LIPA: variants seen among roughly 807,000 people sequenced by gnomAD.
The protein encoded by LIPA is lipase A, lysosomal acid type.
A neutral mutation model predicts 40.6 loss-of-function variants in LIPA; 26 were observed. The ratio of observed to expected loss-of-function variants is 0.64; its 90% CI spans 0.47 to 0.89. The LOEUF (loss-of-function observed/expected upper bound fraction) is 0.89, where lower values mean the gene tolerates loss of function less well. Ranked by LOEUF, LIPA falls within the 40% of genes least tolerant of loss-of-function variation. LIPA has a pLI of 0.00. For missense variants in LIPA, 455 were observed against 479.6 expected, an observed-to-expected ratio of 0.95 and a Z score of 0.48; for synonymous variants, 188 against 168.4, an observed-to-expected ratio of 1.12 and a Z score of -0.90.
chr10:89,286,428 C>G (rs1564776021), intron 1 of LIPA, among the ~76,000 whole-genome samples: 1 of 152,184 alleles, frequency 6.6e-6, no homozygotes, highest in African/African-American at 2.4e-5. Flanking sequence ...CTCCTCACAC[C>G]CAGTCCAGCT....
upstream of LIPA, among the ~76,000 whole-genome samples, chr10:89,256,325 AATCAG>A (rs1425585672): frequency 6.6e-6 from 1 of 152,232 alleles, no homozygotes; most frequent in African/African-American, 2.4e-5. Context: ...ATTTGTGACT[AATCAG>A]ATTAGAAACA....
In LIPA at chr10:89,402,403, T is replaced by C. The variant is rs760111410; in HGVS notation, c.61+10388A>G. The C allele has an allele frequency of 6.8e-6, 11 of 1,614,032 alleles. No homozygotes were observed. In the Admixed American group the frequency reaches 1.8e-4, roughly 27 times the overall value. On this transcript the variant is annotated intron_variant, in intron 2 of 8. Coordinates refer to the LIPA transcript ENST00000371837. ...TTAGAAAACAGAGTCTTGGATCAGA[T>C]TGAATTCCTAGACACCAAATACAGT...
At chr10:89,227,967 G>A (rs183749618) in intron 4 of LIPA, among the ~76,000 whole-genome samples, 3 of 152,294 alleles carry the variant, frequency 2.0e-5, no homozygotes, top group African/African-American at 7.2e-5. Context: ...AAATGCCGAA[G>A]TAACTTAAGA....
chr10:89,217,931 ACAAGGGGTATGC>A (rs1842648376), intron 8 of LIPA, among the ~76,000 whole-genome samples: 1 of 152,226 alleles, frequency 6.6e-6, no homozygotes, highest in Non-Finnish European at 1.5e-5. Flanking sequence ...ATAAATATAC[ACAAGGGGTATGC>A]CACTGTCATA....
chr10:89,306,430 G>A lies in LIPA; in HGVS notation c.-2+36181C>T, dbSNP rs574397360. The A allele has an allele frequency of 2.2e-5, 35 of 1,614,118 alleles. 1 individual carries two copies. The African/African-American group carries it at 4.4e-4, about 20-fold the overall frequency. On this transcript the variant is annotated intron_variant, in intron 1 of 5. Transcript: ENST00000282673. Reference sequence around the variant, plus strand: ...GAGGAAACCAAAATGAAAGAGCGAAGGTGTGCTTTGAGAAGGCTCTGGAAA... The same window carrying A: ...GAGGAAACCAAAATGAAAGAGCGAAAGTGTGCTTTGAGAAGGCTCTGGAAA...
At chr10:89,289,394 T>C (rs1843359223) in intron 1 of LIPA, among the ~76,000 whole-genome samples, 2 of 152,120 alleles carry the variant, frequency 1.3e-5, no homozygotes, top group Admixed American at 1.3e-4. Context: ...TCAGGCCCCC[T>C]CCCTTCCTTA....
At chr10:89,251,198 C>T (rs1157951827) in intron 1 of LIPA, among the ~76,000 whole-genome samples, 4 of 152,226 alleles carry the variant, frequency 2.6e-5, no homozygotes, top group Admixed American at 2.6e-4. Flanking sequence ...ATGGCAGTAC[C>T]ATTAATTCCA....
At chr10:89,378,094 T>C in intron 2 of LIPA, 3 of 1,612,852 alleles carry the variant, frequency 1.9e-6, no homozygotes, top group East Asian at 2.2e-5. Context: ...CCTCCAAGCC[T>C]GAACCAAAGC....
intron 1 of LIPA, among the ~76,000 whole-genome samples, chr10:89,295,919 G>A (rs1843410917): frequency 6.6e-6 from 1 of 152,168 alleles, no homozygotes. Flanking sequence ...ATGCATACCT[G>A]CTGTGGTAAC....
chr10:89,346,651 C>T (rs1258810382), upstream of LIPA, among the ~76,000 whole-genome samples: 1 of 152,204 alleles, frequency 6.6e-6, no homozygotes, highest in Non-Finnish European at 1.5e-5. Context: ...ACATTGACTC[C>T]AGTCTGACGC....
rs373857537 is a variant in LIPA, at chr10:89,223,760, G to A, written c.746C>T (p.Thr249Ile). 4 of 1,613,780 alleles carry A rather than the reference G, an allele frequency of 2.5e-6. No individual in the cohort carries two copies. The highest frequency in any genetic ancestry group is 3.3e-5 in the Admixed American group (2 of 60,024). ...FLKWLGTHVCTHVILKELCGN... is the reference protein window; with the variant it reads ...FLKWLGTHVCIHVILKELCGN... ...ACAGAGCTCCTTCAGTATGACATGAGTGCAAACGTGGGTACCCAGCCACTT... is the reference window on the plus strand; with the variant it reads ...ACAGAGCTCCTTCAGTATGACATGAATGCAAACGTGGGTACCCAGCCACTT... Residue 249 changes from threonine to isoleucine, a missense_variant, in exon 7 of 10, where the codon ACT becomes ATT. Coordinates refer to ENST00000336233, the MANE Select transcript of LIPA (RefSeq NM_000235.4).
chr10:89,412,879 G>A, exon 2 of LIPA: 1 of 286,494 alleles, frequency 3.5e-6, no homozygotes, highest in South Asian at 2.7e-5. Context: ...CTCACAGCGA[G>A]AGTCCGCAGC....
intron 1 of LIPA, among the ~76,000 whole-genome samples, chr10:89,294,711 A>G (rs1184914867): frequency 2.0e-5 from 3 of 152,200 alleles, no homozygotes; most frequent in African/African-American, 7.2e-5. Flanking sequence ...GCTGTGGCTT[A>G]TGCCTGTAAT....
intron 2 of LIPA, among the ~76,000 whole-genome samples, chr10:89,376,386 C>A (rs1266240679): frequency 6.6e-6 from 1 of 152,014 alleles, no homozygotes; most frequent in Non-Finnish European, 1.5e-5. Flanking sequence ...TATTCTTTTC[C>A]TAAGATGTCT....
At chr10:89,348,978 T>A (rs1158849585) in intron 2 of LIPA, among the ~76,000 whole-genome samples, 1 of 152,222 alleles carries the variant, frequency 6.6e-6, no homozygotes, top group Non-Finnish European at 1.5e-5. Context: ...GTCAATTGCA[T>A]TTAATAATCA....
At chr10:89,303,933 TAG>T (rs2085585447) in intron 1 of LIPA, among the ~76,000 whole-genome samples, 2 of 152,104 alleles carry the variant, frequency 1.3e-5, no homozygotes, top group Admixed American at 6.6e-5. Flanking sequence ...ATGAATGCAG[TAG>T]AGAGTGTGAC....
chr10:89,373,002 C>A (rs1844100217), intron 2 of LIPA, among the ~76,000 whole-genome samples: 1 of 152,162 alleles, frequency 6.6e-6, no homozygotes, highest in Non-Finnish European at 1.5e-5. Context: ...GAATATTTGA[C>A]ATGTAAAACA....
At chr10:89,384,272 G>T (rs1016316206) in intron 2 of LIPA, 3 of 1,614,210 alleles carry the variant, frequency 1.9e-6, no homozygotes, top group Non-Finnish European at 2.5e-6. Flanking sequence ...ACTGTGGACA[G>T]ATTGGTTCAA....
rs1400159504 is a variant in LIPA at position 89,245,737 on chromosome 10, T to G, written c.168A>C (p.Glu56Asp). 6.2e-7 allele frequency: 1 copy of G among 1,606,830 alleles called. No individual in the cohort carries two copies. The highest frequency in any genetic ancestry group is 1.1e-5 in the South Asian group (1 of 90,898). The stretch of plus-strand genomic sequence containing the variant: ...GGTTAAGGCACAGAATATATCCATC[T>G]TCTGTCTCAACTAGGTATTCCTCAC... ...FPSEEYLVET[E>D]DGYILCLNRI... The change falls in exon 3 of 10, where the codon GAA becomes GAC. Residue 56 changes from glutamate (E) to aspartate (D), a missense_variant. By Grantham distance (45) the Glu-to-Asp change is conservative (BLOSUM62 2). Coordinates refer to ENST00000336233, the MANE Select transcript of LIPA (RefSeq NM_000235.4).
Sources: gnomAD v4.1 joint callset for allele counts (sites outside exome capture counted in the v4.1 genomes callset) on GRCh38, gnomAD v4.1.1 for gene constraint, MANE v1.5 for transcripts, NCBI Gene and HGNC (gene_info 2026-07-23, HGNC 2026-07-21) for gene names.